Variants in CTDSPL observed in about 807,000 individuals in gnomAD.
CTDSPL encodes CTD small phosphatase-like protein.
CTDSPL carries 8 observed loss-of-function variants against 30.5 expected under a neutral mutation model. The observed-to-expected ratio is 0.26, with a 90% CI of 0.15 to 0.47. The LOEUF (loss-of-function observed/expected upper bound fraction) is 0.47, where lower values mean the gene tolerates loss of function less well. Among genes scored for constraint, CTDSPL ranks in the 20% least tolerant of loss-of-function variants. CTDSPL has a pLI of 0.99. For synonymous variants in CTDSPL, 110 were observed against 137.9 expected (o/e 0.80, Z 1.42); for missense variants, 248 against 366.1 (o/e 0.68, Z 2.63).
chr3:37,949,457 A>G (rs1296662230), intron 2 of CTDSPL, among the ~76,000 whole-genome samples: 3 of 152,244 alleles, frequency 2.0e-5, no homozygotes, highest in Non-Finnish European at 4.4e-5. Context: ...TAAATATGCA[A>G]TCAAATAGCA....
intron 1 of CTDSPL, among the ~76,000 whole-genome samples, chr3:37,941,278 G>C (rs1698974827): frequency 6.7e-6 from 1 of 150,178 alleles, no homozygotes; most frequent in Non-Finnish European, 1.5e-5. Flanking sequence ...CACAGAAATG[G>C]AGAAAGTTAA....
intron 6 of CTDSPL, among the ~76,000 whole-genome samples, chr3:37,973,751 G>C (rs1559649138): frequency 6.6e-6 from 1 of 152,212 alleles, no homozygotes; most frequent in Non-Finnish European, 1.5e-5. Context: ...AGTACCTATT[G>C]TGTGCCAGGC....
intron 1 of CTDSPL, among the ~76,000 whole-genome samples, chr3:37,886,939 G>A (rs1698269497): frequency 6.6e-6 from 1 of 152,154 alleles, no homozygotes; most frequent in African/African-American, 2.4e-5. Flanking sequence ...ATCATCCTTT[G>A]AGAAAATCTG....
At chr3:37,882,320 T>C (rs1381997409) in intron 1 of CTDSPL, among the ~76,000 whole-genome samples, 1 of 151,586 alleles carries the variant, frequency 6.6e-6, no homozygotes, top group African/African-American at 2.4e-5. Context: ...CTGGTGCCTA[T>C]AGTCCCAGCT....
intron 1 of CTDSPL, among the ~76,000 whole-genome samples, chr3:37,943,156 G>A (rs945556767): frequency 4.7e-5 from 7 of 150,296 alleles, no homozygotes; most frequent in African/African-American, 1.7e-4. Context: ...GAGGCATCCA[G>A]AGGAGATGTC....
chr3:37,946,426 G>GT (rs34842918), intron 1 of CTDSPL, among the ~76,000 whole-genome samples: 7 of 152,160 alleles, frequency 4.6e-5, no homozygotes, highest in African/African-American at 1.7e-4. Flanking sequence ...TGCTGTTTAT[G>GT]TTTTTTAAGT....
At chr3:37,948,802 A>AGCTT (rs1169550058) in intron 2 of CTDSPL, among the ~76,000 whole-genome samples, 3 of 146,038 alleles carry the variant, frequency 2.1e-5, no homozygotes, top group Non-Finnish European at 3.0e-5. Flanking sequence ...ACCATTTTCC[A>AGCTT]GCTTTCTTTT....
chr3:37,898,825 A>G (rs967074104), intron 1 of CTDSPL, among the ~76,000 whole-genome samples: 1 of 152,214 alleles, frequency 6.6e-6, no homozygotes, highest in Non-Finnish European at 1.5e-5. Flanking sequence ...GAGAACTGTG[A>G]TAGAAAATAT....
chr3:37,879,558 T>TC (rs1394088468), intron 1 of CTDSPL, among the ~76,000 whole-genome samples: 2 of 152,236 alleles, frequency 1.3e-5, no homozygotes, highest in Non-Finnish European at 2.9e-5. Context: ...CACCATTTTT[T>TC]CACTTCACTG....
Position 37,984,154 on chromosome 3 carries a change from C to T in CTDSPL, c.*3287C>T, listed in dbSNP as rs7633400. The stretch of plus-strand genomic sequence containing the variant: ...GGTTCGAGAAGAGTGAATGGCTTGA[C>T]GTACTTGCAGTTAACTGTGCAAAAT... On this transcript the variant is annotated 3_prime_UTR_variant, in exon 8 of 8. Coordinates refer to ENST00000273179, the MANE Select transcript of CTDSPL (RefSeq NM_001008392.2). 5.3e-3 allele frequency: 2,421 copies of T among 452,956 alleles called. 38 individuals carry two copies. The highest frequency in any genetic ancestry group is 0.039 in the African/African-American group (1,966 of 50,128). 28.1% of individuals were successfully genotyped at this position (452,956 alleles called of 1,614,324 possible).
At chr3:37,916,978 T>C (rs1698656895) in intron 1 of CTDSPL, among the ~76,000 whole-genome samples, 1 of 152,316 alleles carries the variant, frequency 6.6e-6, no homozygotes, top group African/African-American at 2.4e-5. Context: ...TCTGCTCCAC[T>C]GACATGCTGC....
chr3:37,981,087 T>G lies in CTDSPL; in HGVS notation c.*220T>G. 2.8e-6 allele frequency: 1 copy of G among 357,190 alleles called. No homozygotes were observed. 22.1% of individuals were successfully genotyped at this position (357,190 alleles called of 1,614,324 possible). On this transcript the variant is annotated 3_prime_UTR_variant, in exon 8 of 8. Coordinates refer to ENST00000273179, the MANE Select transcript of CTDSPL (RefSeq NM_001008392.2). Reference sequence around the variant, plus strand: ...TTTCATAAAGGGACATGCATTTTACTGGGTTTGCTTTTCTTAAAACATACC... The same window carrying G: ...TTTCATAAAGGGACATGCATTTTACGGGGTTTGCTTTTCTTAAAACATACC...
At chr3:37,904,884 C>T (rs1482926941) in intron 1 of CTDSPL, among the ~76,000 whole-genome samples, 1 of 152,198 alleles carries the variant, frequency 6.6e-6, no homozygotes, top group Non-Finnish European at 1.5e-5. Context: ...GTCTCCTCAT[C>T]ATCACCCTGT....
intron 1 of CTDSPL, among the ~76,000 whole-genome samples, chr3:37,872,049 T>C (rs1698077117): frequency 6.6e-6 from 1 of 152,154 alleles, no homozygotes; most frequent in Non-Finnish European, 1.5e-5. Flanking sequence ...CGGAGTGCAG[T>C]GGTGTGATCA....
chr3:37,863,081 G>A (rs1000401028), intron 1 of CTDSPL, among the ~76,000 whole-genome samples: 1 of 152,284 alleles, frequency 6.6e-6, no homozygotes, highest in South Asian at 2.1e-4. Context: ...GCTGGAGTCT[G>A]GGGGGGAGAA....
Position 37,862,874 on chromosome 3 carries a change from G to C in CTDSPL, c.79+596G>C, listed in dbSNP as rs1365954392. ...AGTTTGTGAGTGTGTATGATTGTGT[G>C]ACTACACCACCCAACTGGCGGATTG... On this transcript the variant is annotated intron_variant, in intron 1 of 7. Transcript: ENST00000273179. This position sits in a 1 kb window ranked among gnomAD's most constrained non-coding sequence, Gnocchi z 4.3. 6.6e-6 allele frequency among the ~76,000 whole-genome samples: 1 copy of C among 152,156 alleles called. No homozygotes were observed. Among genetic ancestry groups the C allele is most frequent in the Non-Finnish European group, 1.5e-5 (1 of 68,020 alleles).
At chr3:37,974,482 CCTTA>C (rs1384657376) in intron 6 of CTDSPL, among the ~76,000 whole-genome samples, 1 of 152,248 alleles carries the variant, frequency 6.6e-6, no homozygotes, top group African/African-American at 2.4e-5. Context: ...TGGTTGTACC[CCTTA>C]CTTGGTCTTG....
chr3:37,902,215 A>G (rs910729638), intron 1 of CTDSPL, among the ~76,000 whole-genome samples: 2 of 152,182 alleles, frequency 1.3e-5, no homozygotes, highest in Admixed American at 1.3e-4. Flanking sequence ...AAGGGAGAAG[A>G]GTGCGTGTTT....
intron 1 of CTDSPL, among the ~76,000 whole-genome samples, chr3:37,923,479 C>G (rs932311972): frequency 6.6e-6 from 1 of 152,092 alleles, no homozygotes; most frequent in Non-Finnish European, 1.5e-5. Context: ...TGTTCAGTCC[C>G]CAGCGTGTGG....
Sources: gnomAD v4.1 joint callset for allele counts (sites outside exome capture counted in the v4.1 genomes callset) on GRCh38, gnomAD v4.1.1 for gene constraint, Gnocchi (gnomAD v3.1) non-coding constraint, MANE v1.5 for transcripts, NCBI Gene and HGNC (gene_info 2026-07-23, HGNC 2026-07-21) for gene names.